AGBL4: variants seen among roughly 807,000 people sequenced by gnomAD.
The protein encoded by AGBL4 is cytosolic carboxypeptidase 6.
AGBL4 carries 58 observed loss-of-function variants against 66.4 expected under a neutral mutation model. That is an observed-to-expected ratio of 0.87 (90% CI 0.71 to 1.09). The LOEUF (loss-of-function observed/expected upper bound fraction) is 1.09, where lower values mean the gene tolerates loss of function less well. AGBL4 is among the 50% of genes least tolerant of loss of function. The pLI is 0.00. For synonymous variants in AGBL4, 234 were observed against 222.9 expected (o/e 1.05, Z -0.44); for missense variants, 579 against 631.0 (o/e 0.92, Z 0.88).
intron 4 of AGBL4, among the ~76,000 whole-genome samples, chr1:49,182,971 T>C (rs1338793871): frequency 6.6e-6 from 1 of 152,176 alleles, no homozygotes; most frequent in Non-Finnish European, 1.5e-5. Context: ...TGAAGGGTAA[T>C]AAGTGCTAAT....
intron 8 of AGBL4, among the ~76,000 whole-genome samples, chr1:48,648,222 T>A (rs958453502): frequency 3.3e-5 from 5 of 152,198 alleles, no homozygotes; most frequent in Non-Finnish European, 7.3e-5. Flanking sequence ...CCCCATTTTC[T>A]CCATCCTCCC....
At chr1:49,428,095 T>G (rs909653585) in intron 3 of AGBL4, among the ~76,000 whole-genome samples, 2 of 152,152 alleles carry the variant, frequency 1.3e-5, no homozygotes, top group African/African-American at 2.4e-5. Context: ...ACAGAAAAGT[T>G]CTCGAAGTCC....
Position 49,503,057 on chromosome 1 carries a change from A to G in AGBL4, c.282+194256T>C, listed in dbSNP as rs528064549. ...CCCTACCATCACAGACCCAGGGGCC[A>G]AGGAGGGAAAAAATGGTGTCTTGGG... is the stretch of plus-strand genomic sequence containing the variant. On this transcript the variant is annotated intron_variant, in intron 3 of 13. Transcript: ENST00000371839. 1.4e-4 allele frequency among the ~76,000 whole-genome samples: 21 copies of G among 152,148 alleles called. No homozygotes were observed. In the East Asian group the frequency reaches 3.9e-3, roughly 28 times the overall value.
At chr1:48,628,953 T>C (rs1416526589) in intron 9 of AGBL4, among the ~76,000 whole-genome samples, 2 of 96,346 alleles carry the variant, frequency 2.1e-5, no homozygotes, top group African/African-American at 7.5e-5. Context: ...TCTCATCAGA[T>C]TGTAAGCTTC....
chr1:48,778,657 G>GTA (rs965200003), intron 6 of AGBL4, among the ~76,000 whole-genome samples: 5 of 151,922 alleles, frequency 3.3e-5, no homozygotes, highest in South Asian at 2.1e-4. Context: ...TGTATTCATT[G>GTA]TGTGTGTGTG....
Position 49,833,228 on chromosome 1 carries a change from A to C in AGBL4, c.157+18168T>G, listed in dbSNP as rs950063483. 4.4e-3 allele frequency among the ~76,000 whole-genome samples: 669 copies of C among 152,242 alleles called. 3 individuals carry two copies. The highest frequency in any genetic ancestry group is 6.8e-3 in the Middle Eastern group (2 of 294). On this transcript the variant is annotated intron_variant, in intron 2 of 13. Transcript: ENST00000371839. ...TCTACATATGGCTAGCCAGTTTTCC[A>C]AGCACCATTTATTTAATAGGGAATC...
At chr1:49,543,406 G>A (rs1652222548) in intron 3 of AGBL4, among the ~76,000 whole-genome samples, 2 of 152,092 alleles carry the variant, frequency 1.3e-5, no homozygotes, top group Non-Finnish European at 2.9e-5. Flanking sequence ...AAAGAAACAG[G>A]AAACTACATT....
intron 3 of AGBL4, among the ~76,000 whole-genome samples, chr1:49,696,296 G>T (rs1240272204): frequency 6.6e-6 from 1 of 151,950 alleles, no homozygotes; most frequent in Non-Finnish European, 1.5e-5. Context: ...TACGTTTTTA[G>T]TTCCCTTTAT....
intron 4 of AGBL4, among the ~76,000 whole-genome samples, chr1:49,056,489 C>T (rs1399766049): frequency 1.3e-5 from 2 of 151,992 alleles, no homozygotes. Context: ...ATTGGAAAAA[C>T]TGAGCCAGAG....
chr1:49,975,402 G>A (rs1018093176), intron 1 of AGBL4, among the ~76,000 whole-genome samples: 2 of 152,106 alleles, frequency 1.3e-5, no homozygotes, highest in Non-Finnish European at 2.9e-5. Flanking sequence ...TAAATTCAAG[G>A]CAAGTATAAA....
At chr1:49,053,094 T>C (rs919525134) in intron 4 of AGBL4, among the ~76,000 whole-genome samples, 1 of 152,176 alleles carries the variant, frequency 6.6e-6, no homozygotes, top group Non-Finnish European at 1.5e-5. Context: ...ATACTCATCA[T>C]GCTGTGTGTG....
intron 1 of AGBL4, among the ~76,000 whole-genome samples, chr1:49,918,904 C>T (rs1324166275): frequency 1.3e-5 from 2 of 152,156 alleles, no homozygotes; most frequent in African/African-American, 4.8e-5. Context: ...TGGGCTTCAT[C>T]CCTGGGATGC....
At chr1:49,298,224 A>G (rs189675138) in intron 3 of AGBL4, among the ~76,000 whole-genome samples, 9 of 152,326 alleles carry the variant, frequency 5.9e-5, no homozygotes, top group Non-Finnish European at 1.0e-4. Context: ...AGAGAATGGC[A>G]GCCTTTTCTT....
chr1:49,167,970 T>A (rs186175229), intron 4 of AGBL4, among the ~76,000 whole-genome samples: 111 of 152,278 alleles, frequency 7.3e-4, no homozygotes, highest in Middle Eastern at 6.8e-3. Context: ...AAATATAGTA[T>A]AACAACTATT....
chr1:49,990,826 T>C (rs1473378569), intron 1 of AGBL4, among the ~76,000 whole-genome samples: 1 of 152,220 alleles, frequency 6.6e-6, no homozygotes, highest in Non-Finnish European at 1.5e-5. Context: ...GTTTCAGAAA[T>C]CTGTAGCGTG....
intron 6 of AGBL4, among the ~76,000 whole-genome samples, chr1:48,708,443 C>T (rs1207451906): frequency 6.6e-6 from 1 of 152,068 alleles, no homozygotes; most frequent in Non-Finnish European, 1.5e-5. Flanking sequence ...GGGAGGGCAT[C>T]TCAGGCAGAG....
intron 4 of AGBL4, among the ~76,000 whole-genome samples, chr1:49,200,139 C>T (rs1647573037): frequency 1.3e-5 from 2 of 152,154 alleles, no homozygotes; most frequent in Non-Finnish European, 2.9e-5. Flanking sequence ...TGCATCTGCT[C>T]AGATTTCTGC....
chr1:49,948,098 G>A (rs12756360), intron 1 of AGBL4, among the ~76,000 whole-genome samples: 45 of 87,602 alleles, frequency 5.1e-4, no homozygotes, highest in East Asian at 6.5e-4. Context: ...ATATGTATAT[G>A]TATATATATG....
intron 3 of AGBL4, among the ~76,000 whole-genome samples, chr1:49,625,160 T>C (rs1645441589): frequency 6.6e-6 from 1 of 152,192 alleles, no homozygotes; most frequent in African/African-American, 2.4e-5. Flanking sequence ...GCCTTTACCA[T>C]CTAAGCCACA....
Sources: gnomAD v4.1 joint callset for allele counts (sites outside exome capture counted in the v4.1 genomes callset) on GRCh38, gnomAD v4.1.1 for gene constraint, MANE v1.5 for transcripts, NCBI Gene and HGNC (gene_info 2026-07-23, HGNC 2026-07-21) for gene names.